Variants in WDR64 observed in about 807,000 individuals in gnomAD.
WDR64 encodes the protein WD repeat domain 64.
A neutral mutation model predicts 139.3 loss-of-function variants in WDR64; 112 were observed. That is an observed-to-expected ratio of 0.80 (90% CI 0.69 to 0.94). The LOEUF (loss-of-function observed/expected upper bound fraction) is 0.94, where lower values mean the gene tolerates loss of function less well. WDR64 is among the 40% of genes least tolerant of loss of function. The pLI is 0.00. For missense variants in WDR64, 1,206 were observed against 1,293.1 expected (o/e 0.93, Z 1.03); for synonymous variants, 444 against 437.7 (o/e 1.01, Z -0.18).
chr1:241,694,069 T>C (rs927406164), intron 8 of WDR64, among the ~76,000 whole-genome samples: 1 of 151,870 alleles, frequency 6.6e-6, no homozygotes, highest in Non-Finnish European at 1.5e-5. Context: ...ATGCATGATG[T>C]CCTTTAGGTG....
Position 241,680,387 on chromosome 1 carries a change from C to A in WDR64, c.624+792C>A, listed in dbSNP as rs185197880. On this transcript the variant is annotated intron_variant, in intron 6 of 27. Coordinates refer to ENST00000437684, the MANE Select transcript of WDR64 (RefSeq NM_001367482.1). ...GATGCCAGAATAATTTTAAAGACAG[C>A]AGCTTGTTGGTCAACGTACTTTATT... 6.6e-5 allele frequency among the ~76,000 whole-genome samples: 10 copies of A among 152,300 alleles called. No individual in the cohort carries two copies. In the East Asian group the frequency reaches 1.9e-3, roughly 29 times the overall value.
intron 8 of WDR64, among the ~76,000 whole-genome samples, chr1:241,706,746 T>C (rs920567731): frequency 6.6e-6 from 1 of 152,186 alleles, no homozygotes; most frequent in Non-Finnish European, 1.5e-5. Context: ...GTGAATTTGG[T>C]TATTTTGCAT....
chr1:241,798,158 A>G (rs1326137485), intron 27 of WDR64, among the ~76,000 whole-genome samples: 2 of 152,222 alleles, frequency 1.3e-5, no homozygotes, highest in African/African-American at 2.4e-5. Flanking sequence ...CATTTTTAAG[A>G]TGTCTAAATA....
chr1:241,728,241 G>A (rs951158768), intron 10 of WDR64, among the ~76,000 whole-genome samples: 2 of 152,074 alleles, frequency 1.3e-5, no homozygotes, highest in Non-Finnish European at 1.5e-5. Flanking sequence ...GCTGAGGCAG[G>A]AGAATCGCTT....
chr1:241,674,471 T>G (rs1406890094), intron 3 of WDR64, among the ~76,000 whole-genome samples, 173 bp from the exon 4 acceptor site: 1 of 151,928 alleles, frequency 6.6e-6, no homozygotes, highest in Non-Finnish European at 1.5e-5. Flanking sequence ...CCCAGGCTGG[T>G]CTTGAACTCC....
At chr1:241,704,054 T>C (rs1453797977) in intron 8 of WDR64, among the ~76,000 whole-genome samples, 1 of 152,210 alleles carries the variant, frequency 6.6e-6, no homozygotes, top group Non-Finnish European at 1.5e-5. Context: ...AGCCTAACCA[T>C]ATCACATGGT....
chr1:241,684,244 C>A (rs1176454376), intron 7 of WDR64, among the ~76,000 whole-genome samples: 1 of 152,022 alleles, frequency 6.6e-6, no homozygotes, highest in Non-Finnish European at 1.5e-5. Flanking sequence ...TTTAACAGGT[C>A]TTAGAGTTCA....
At chr1:241,720,201 C>A (rs960094385) in intron 9 of WDR64, among the ~76,000 whole-genome samples, 4 of 152,158 alleles carry the variant, frequency 2.6e-5, no homozygotes, top group Non-Finnish European at 5.9e-5. Flanking sequence ...TCCCATCTAT[C>A]ATCGATGGGT....
At position 241,703,526 on chromosome 1, in the gene WDR64, T is replaced by A. The variant is rs1667813607; in HGVS notation, c.975-8276T>A. Among the ~76,000 whole-genome samples the A allele has an allele frequency of 6.6e-6, 1 of 152,058 alleles. No homozygotes were observed. The highest frequency in any genetic ancestry group is 6.5e-5 in the Admixed American group (1 of 15,270). ...GTTTCTCTTTAAAATTGCTATCATTTCAGGGGGATCAGGGAAAAAGTCAGA... is the reference window on the plus strand; with the variant it reads ...GTTTCTCTTTAAAATTGCTATCATTACAGGGGGATCAGGGAAAAAGTCAGA... On this transcript the variant is annotated intron_variant, in intron 8 of 27. Coordinates refer to ENST00000437684, the MANE Select transcript of WDR64 (RefSeq NM_001367482.1). The surrounding 1 kb of genome is among the most constrained non-coding windows in gnomAD (Gnocchi z 5.9).
intron 6 of WDR64, among the ~76,000 whole-genome samples, chr1:241,681,991 G>A (rs1289050357): frequency 1.3e-5 from 2 of 151,322 alleles, no homozygotes; most frequent in South Asian, 2.1e-4. Flanking sequence ...TTTTTTTCTC[G>A]CTAATTTGTT....
rs955344385 is a variant in WDR64, at chr1:241,705,315, G to T, written c.975-6487G>T. On this transcript the variant is annotated intron_variant, in intron 8 of 27. Coordinates refer to ENST00000437684, the MANE Select transcript of WDR64 (RefSeq NM_001367482.1). ...CCAGCACTTTGGGAGGCCAAGGAGGGCGGATCATGAGGTCAGGAGATCGAG... is the reference window on the plus strand; with the variant it reads ...CCAGCACTTTGGGAGGCCAAGGAGGTCGGATCATGAGGTCAGGAGATCGAG... 1.2e-4 allele frequency among the ~76,000 whole-genome samples: 18 copies of T among 152,164 alleles called. No individual in the cohort carries two copies. The East Asian group carries it at 1.7e-3, about 15-fold the overall frequency.
chr1:241,745,282 G>T (rs1200255868), intron 13 of WDR64, among the ~76,000 whole-genome samples: 2 of 133,384 alleles, frequency 1.5e-5, no homozygotes, highest in African/African-American at 5.7e-5. Flanking sequence ...TTAAAAGTGT[G>T]AGCAGATGAC....
At chr1:241,724,980 C>T (rs999998098) in intron 10 of WDR64, among the ~76,000 whole-genome samples, 6 of 152,050 alleles carry the variant, frequency 3.9e-5, no homozygotes, top group Non-Finnish European at 7.4e-5. Flanking sequence ...CCATATTTGC[C>T]CTTCCTCAGC....
At chr1:241,777,911 G>A (rs1364406992) in intron 21 of WDR64, among the ~76,000 whole-genome samples, 1 of 152,050 alleles carries the variant, frequency 6.6e-6, no homozygotes, top group Non-Finnish European at 1.5e-5. Context: ...AGTTGTTCAG[G>A]TGCGTTCTGT....
rs973623064 is a variant in WDR64, at chr1:241,730,240, A to T, written c.1194+6804A>T. On this transcript the variant is annotated intron_variant, in intron 10 of 27. Transcript: ENST00000437684. ...AGGACAGCTCCTTGACAACCTTCAA[A>T]GGAAGACCCTGTGGATAGCTCTGAG... Among the ~76,000 whole-genome samples, 4 of 152,306 alleles carry T rather than the reference A, an allele frequency of 2.6e-5. No homozygotes were observed. In the South Asian group the frequency reaches 8.3e-4, roughly 32 times the overall value.
chr1:241,694,825 G>C (rs2148132069), intron 8 of WDR64, among the ~76,000 whole-genome samples: 1 of 152,208 alleles, frequency 6.6e-6, no homozygotes, highest in East Asian at 1.9e-4. Flanking sequence ...AACTTATACA[G>C]GTCATATATA....
chr1:241,761,026 C>T (rs924404259), intron 15 of WDR64, among the ~76,000 whole-genome samples: 1 of 152,096 alleles, frequency 6.6e-6, no homozygotes, highest in African/African-American at 2.4e-5. Flanking sequence ...TCATCCTAGA[C>T]ATTATCAAAC....
At chr1:241,687,915 A>G (rs1416380166) in intron 8 of WDR64, among the ~76,000 whole-genome samples, 2 of 152,238 alleles carry the variant, frequency 1.3e-5, no homozygotes. Context: ...TTTTAAAATC[A>G]TTCTTACAGG....
At chr1:241,717,028 G>T (rs1668430983) in intron 9 of WDR64, among the ~76,000 whole-genome samples, 1 of 152,166 alleles carries the variant, frequency 6.6e-6, no homozygotes. Flanking sequence ...GCCCATTTCA[G>T]GGGATGTCCC....
Sources: allele counts gnomAD v4.1 joint callset (sites outside exome capture counted in the v4.1 genomes callset), GRCh38; gene constraint gnomAD v4.1.1; non-coding constraint Gnocchi (gnomAD v3.1); transcripts MANE v1.5; gene names NCBI Gene and HGNC (gene_info 2026-07-23, HGNC 2026-07-21).